CSMD1: variants seen among roughly 807,000 people sequenced by gnomAD.
CSMD1 encodes CUB and Sushi multiple domains 1.
Under a neutral mutation model 417.5 loss-of-function variants are expected in CSMD1, and 213 were observed. The observed-to-expected ratio is 0.51, with a 90% CI of 0.46 to 0.57. The LOEUF (loss-of-function observed/expected upper bound fraction) is 0.57. Ranked by LOEUF, CSMD1 falls within the 20% of genes least tolerant of loss-of-function variation. CSMD1 has a pLI of 0.00. For missense variants in CSMD1, 6,923 were observed against 4,529.7 expected, an observed-to-expected ratio of 1.53 and a Z score of -15.17; for synonymous variants, 2,862 against 1,736.8, an observed-to-expected ratio of 1.65 and a Z score of -16.11.
In CSMD1 at chr8:4,750,355, G is replaced by C. The variant is rs1210629684; in HGVS notation, c.86-112797C>G. ...TCTAGAAACTGCTGAACAGAAAATT[G>C]AGTTGCTTTTTTAAAAAGTAGTTTA... is the stretch of plus-strand genomic sequence containing the variant. On this transcript the variant is annotated intron_variant, in intron 1 of 69. Coordinates refer to ENST00000635120, the MANE Select transcript of CSMD1 (RefSeq NM_033225.6). Among the ~76,000 whole-genome samples, 8 of 152,234 alleles carry C rather than the reference G, an allele frequency of 5.3e-5. No homozygotes were observed. In the East Asian group the frequency reaches 7.7e-4, roughly 15 times the overall value.
At chr8:3,128,658 A>G (rs1419142488) in intron 41 of CSMD1, 1 of 321,368 alleles carries the variant, frequency 3.1e-6, no homozygotes, top group African/African-American at 2.2e-5. Context: ...TATCTAATTA[A>G]GTGTCACCTC....
chr8:3,977,957 C>G (rs1813569123), intron 5 of CSMD1, among the ~76,000 whole-genome samples: 1 of 152,190 alleles, frequency 6.6e-6, no homozygotes, highest in African/African-American at 2.4e-5. Flanking sequence ...GCACGGCTGC[C>G]TTTTACGTGT....
chr8:3,881,510 G>A (rs949007169), intron 5 of CSMD1, among the ~76,000 whole-genome samples: 1 of 150,212 alleles, frequency 6.7e-6, no homozygotes, highest in Non-Finnish European at 1.5e-5. Flanking sequence ...AGTGGTGGGT[G>A]CCTGTAATCT....
Position 3,151,373 on chromosome 8 carries a change from G to A in CSMD1, c.6031+24C>T, listed in dbSNP as rs776384830. Reference sequence around the variant, plus strand: ...TGGAAATGAAAAAAATGAACTTTTAGGAATTGGTAACATTTTCACTTACCA... The same window carrying A: ...TGGAAATGAAAAAAATGAACTTTTAAGAATTGGTAACATTTTCACTTACCA... On this transcript the variant is annotated intron_variant, in intron 40 of 69. Transcript: ENST00000635120. 2.0e-6 allele frequency: 3 copies of A among 1,466,338 alleles called. No individual in the cohort carries two copies. The African/African-American group carries it at 4.2e-5, about 20-fold the overall frequency. 90.8% of individuals were successfully genotyped at this position (1,466,338 alleles called of 1,614,324 possible).
At chr8:4,287,973 G>A (rs568414049) in intron 3 of CSMD1, among the ~76,000 whole-genome samples, 64 of 152,046 alleles carry the variant, frequency 4.2e-4, no homozygotes, top group Non-Finnish European at 8.2e-4. Flanking sequence ...AAGACAATAT[G>A]ATAATAAAAT....
At chr8:3,034,689 T>TA (rs1554494827) in intron 50 of CSMD1, among the ~76,000 whole-genome samples, 1 of 152,182 alleles carries the variant, frequency 6.6e-6, no homozygotes, top group Non-Finnish European at 1.5e-5. Context: ...TTCTGTTATG[T>TA]TCTTACTTTG....
At chr8:4,623,401 T>C (rs75488874) in intron 2 of CSMD1, among the ~76,000 whole-genome samples, 13,973 of 152,190 alleles carry the variant, frequency 0.092, 886 homozygotes, top group South Asian at 0.2. Flanking sequence ...AAAATGGGAC[T>C]ACCAGATTAG....
intron 1 of CSMD1, among the ~76,000 whole-genome samples, chr8:4,741,806 G>C (rs1585028008): frequency 6.6e-6 from 1 of 151,902 alleles, no homozygotes; most frequent in Non-Finnish European, 1.5e-5. Flanking sequence ...CAGTGCCCTG[G>C]TGATTCATGT....
intron 5 of CSMD1, among the ~76,000 whole-genome samples, chr8:3,889,503 CATT>C (rs1755299298): frequency 9.9e-6 from 1 of 100,506 alleles, no homozygotes; most frequent in Non-Finnish European, 2.0e-5. Context: ...AAAATATGCT[CATT>C]AGGTCATGAT....
chr8:3,570,172 A>C (rs1799885872), intron 10 of CSMD1, among the ~76,000 whole-genome samples: 1 of 152,232 alleles, frequency 6.6e-6, no homozygotes. Flanking sequence ...ATGAGTTTTA[A>C]TGGATGTTAG....
chr8:4,015,411 T>G (rs1796473350), intron 4 of CSMD1, among the ~76,000 whole-genome samples: 2 of 152,120 alleles, frequency 1.3e-5, no homozygotes, highest in South Asian at 4.1e-4. Flanking sequence ...AAACCTCGAC[T>G]GACAGTTCAT....
At chr8:4,124,278 A>G (rs1329211318) in intron 3 of CSMD1, among the ~76,000 whole-genome samples, 2 of 152,160 alleles carry the variant, frequency 1.3e-5, no homozygotes, top group Non-Finnish European at 2.9e-5. Flanking sequence ...TGGCAAATTA[A>G]TAACATCAAT....
At chr8:4,038,871 T>C (rs114565490) in intron 3 of CSMD1, among the ~76,000 whole-genome samples, 1,760 of 152,256 alleles carry the variant, frequency 0.012, 29 homozygotes, top group African/African-American at 0.039. Flanking sequence ...ACTTGAAACA[T>C]AGGCTGCCAT....
At chr8:3,338,243 G>A (rs73171189) in intron 23 of CSMD1, among the ~76,000 whole-genome samples, 1 of 152,282 alleles carries the variant, frequency 6.6e-6, no homozygotes, top group Non-Finnish European at 1.5e-5. Context: ...AGGTCACCCT[G>A]GCATCCACGC....
rs1245213001 is a variant in CSMD1, at chr8:3,059,358, C to T, written c.7475-6711G>A. Among the ~76,000 whole-genome samples, 5 of 115,186 alleles carry T rather than the reference C, an allele frequency of 4.3e-5. No homozygotes were observed. The Admixed American group carries it at 4.4e-4, about 10-fold the overall frequency. 75.6% of individuals were successfully genotyped at this position (115,186 alleles called of 152,430 possible). A position where few individuals can be genotyped will look rare whatever the true frequency, so the allele number is the denominator to read the frequency against. On this transcript the variant is annotated intron_variant, in intron 49 of 69. Transcript: ENST00000635120. Reference sequence around the variant, plus strand: ...TCCTTGCACTCCCTTCCCTGCACAACTTTTTCTCTGCTTTTCTCTGCAACA... The same window carrying T: ...TCCTTGCACTCCCTTCCCTGCACAATTTTTTCTCTGCTTTTCTCTGCAACA...
At chr8:3,873,854 C>T (rs1222970436) in intron 5 of CSMD1, among the ~76,000 whole-genome samples, 1 of 152,078 alleles carries the variant, frequency 6.6e-6, no homozygotes, top group African/African-American at 2.4e-5. Flanking sequence ...GTTAGGAACA[C>T]AGAGGAGATA....
At chr8:4,901,234 T>A (rs985548753) in intron 1 of CSMD1, among the ~76,000 whole-genome samples, 6 of 152,184 alleles carry the variant, frequency 3.9e-5, no homozygotes, top group African/African-American at 1.4e-4. Flanking sequence ...TTCAGACGCT[T>A]CCTCAAAAGT....
chr8:4,209,690 T>C (rs1448308284), intron 3 of CSMD1, among the ~76,000 whole-genome samples: 1 of 152,126 alleles, frequency 6.6e-6, no homozygotes, highest in Non-Finnish European at 1.5e-5. Flanking sequence ...GGCAAGCCAG[T>C]GGTGTCACAC....
chr8:3,927,691 A>G (rs183042251), intron 5 of CSMD1, among the ~76,000 whole-genome samples: 1 of 152,278 alleles, frequency 6.6e-6, no homozygotes, highest in African/African-American at 2.4e-5. Flanking sequence ...AAAAGAAAAG[A>G]AAACAATTAA....
Sources: gnomAD v4.1 joint callset for allele counts (sites outside exome capture counted in the v4.1 genomes callset) on GRCh38, gnomAD v4.1.1 for gene constraint, MANE v1.5 for transcripts, NCBI Gene and HGNC (gene_info 2026-07-23, HGNC 2026-07-21) for gene names.